The following CAPZB variants were observed in gnomAD, a reference collection of about 807,000 sequenced individuals.
The protein encoded by CAPZB is capping actin protein of muscle Z-line subunit beta, also known as F-actin-capping protein subunit beta.
A neutral mutation model predicts 38.1 loss-of-function variants in CAPZB; 2 were observed. The observed-to-expected ratio is 0.05, with a 90% CI of 0.02 to 0.17. CAPZB has a LOEUF of 0.17. Among genes scored for constraint, CAPZB ranks in the 10% least tolerant of loss-of-function variants. The pLI is 1.00. For missense variants in CAPZB, 161 were observed against 334.2 expected (o/e 0.48, Z 4.04); for synonymous variants, 107 against 127.4 (o/e 0.84, Z 1.08).
intron 2 of CAPZB, among the ~76,000 whole-genome samples, chr1:19,405,335 G>A (rs2100392927): frequency 6.6e-6 from 1 of 152,272 alleles, no homozygotes; most frequent in African/African-American, 2.4e-5. Context: ...CCAGTGCTAA[G>A]AGTACAGTTA....
chr1:19,475,609 T>A (rs1266374551), intron 1 of CAPZB, among the ~76,000 whole-genome samples: 1 of 152,130 alleles, frequency 6.6e-6, no homozygotes, highest in African/African-American at 2.4e-5. Flanking sequence ...AGCCTGACAC[T>A]GACAACTGGG....
At chr1:19,415,257 G>A (rs1351996563) in intron 2 of CAPZB, among the ~76,000 whole-genome samples, 1 of 152,248 alleles carries the variant, frequency 6.6e-6, no homozygotes, top group Non-Finnish European at 1.5e-5. Context: ...TTGGGCAGGT[G>A]AGCAGGGAGG....
intron 2 of CAPZB, among the ~76,000 whole-genome samples, chr1:19,412,001 C>A (rs2094359044): frequency 6.6e-6 from 1 of 152,214 alleles, no homozygotes; most frequent in Non-Finnish European, 1.5e-5. Context: ...TCCTGCTCTC[C>A]CTGCCTCAGT....
At position 19,456,669 on chromosome 1, in the gene CAPZB, G is replaced by A. The variant is rs951826619; in HGVS notation, c.3+28767C>T. Among the ~76,000 whole-genome samples, 9 of 152,248 alleles carry A rather than the reference G, an allele frequency of 5.9e-5. No individual in the cohort carries two copies. In the South Asian group the frequency reaches 1.7e-3, roughly 28 times the overall value. On this transcript the variant is annotated intron_variant, in intron 1 of 8. Transcript: ENST00000264202. Reference sequence around the variant, plus strand: ...TTTAAGGATCAGACCATCCCACAACGTGACATCCTCGAACAGACTATTTCA... The same window carrying A: ...TTTAAGGATCAGACCATCCCACAACATGACATCCTCGAACAGACTATTTCA...
chr1:19,385,372 A>G, intron 3 of CAPZB, 133 bp downstream of exon 3: 2 of 872,994 alleles, frequency 2.3e-6, no homozygotes, highest in Non-Finnish European at 3.6e-6. Flanking sequence ...AGAGGAGGGC[A>G]GGGAACAAAC....
intron 1 of CAPZB, among the ~76,000 whole-genome samples, chr1:19,475,871 A>G (rs1463112606): frequency 1.3e-5 from 2 of 152,216 alleles, no homozygotes; most frequent in Non-Finnish European, 2.9e-5. Flanking sequence ...ACACCTGTAG[A>G]GCAATGGCTG....
At chr1:19,384,328 C>A (rs2094192977) in intron 3 of CAPZB, among the ~76,000 whole-genome samples, 1 of 152,124 alleles carries the variant, frequency 6.6e-6, no homozygotes, top group Admixed American at 6.5e-5. Context: ...GCCTCAGCAC[C>A]CAGCAGGCTC....
Position 19,454,421 on chromosome 1 carries a change from AATG to A in CAPZB, c.3+31012_3+31014del, listed in dbSNP as rs575614318. Among the ~76,000 whole-genome samples, 226 of 152,282 alleles carry A rather than the reference AATG, an allele frequency of 1.5e-3. 1 individual carries two copies. In the Middle Eastern group the frequency reaches 0.024, roughly 16 times the overall value. ...ACTCTTTTCCAGAGAAAGTCAAGCA[AATG>A]ATATTTGGAGGGCTTTCCTGCTGCT... is the stretch of plus-strand genomic sequence containing the variant. On this transcript the variant is annotated intron_variant, in intron 1 of 8. Transcript: ENST00000264202.
intron 1 of CAPZB, among the ~76,000 whole-genome samples, chr1:19,474,940 G>A (rs2094601796): frequency 6.6e-6 from 1 of 152,126 alleles, no homozygotes; most frequent in African/African-American, 2.4e-5. Context: ...TGGAGAGGCA[G>A]GTGCATGGTC....
intron 2 of CAPZB, among the ~76,000 whole-genome samples, chr1:19,394,765 C>G (rs1182149585): frequency 6.6e-6 from 1 of 152,100 alleles, no homozygotes; most frequent in Non-Finnish European, 1.5e-5. Flanking sequence ...GAGCAAGCCA[C>G]GCAACATAGA....
chr1:19,434,493 G>A (rs2094451780), intron 1 of CAPZB, among the ~76,000 whole-genome samples: 2 of 149,012 alleles, frequency 1.3e-5, no homozygotes, highest in Admixed American at 6.7e-5. Context: ...GGGAAGCTGA[G>A]GCAAGAGGAC....
intron 2 of CAPZB, among the ~76,000 whole-genome samples, chr1:19,406,949 C>T (rs2094335448): frequency 6.6e-6 from 1 of 152,176 alleles, no homozygotes; most frequent in Non-Finnish European, 1.5e-5. Context: ...GAAACTGAGG[C>T]TCAGTGGTCA....
intron 1 of CAPZB, among the ~76,000 whole-genome samples, chr1:19,430,590 C>T (rs2094438711): frequency 6.6e-6 from 1 of 152,182 alleles, no homozygotes; most frequent in Non-Finnish European, 1.5e-5. Flanking sequence ...AGTCGCTGCC[C>T]AGCAAGGAAG....
chr1:19,474,599 A>T (rs2094600524), intron 1 of CAPZB, among the ~76,000 whole-genome samples: 1 of 152,116 alleles, frequency 6.6e-6, no homozygotes, highest in African/African-American at 2.4e-5. Context: ...GAAATATCAA[A>T]CCCTGAAGCA....
chr1:19,482,253 C>T (rs2094632042), intron 1 of CAPZB, among the ~76,000 whole-genome samples: 1 of 152,210 alleles, frequency 6.6e-6, no homozygotes, highest in African/African-American at 2.4e-5. Flanking sequence ...TTTTTATAAG[C>T]ATGCCACCAA....
chr1:19,382,736 A>G (rs2094182140), intron 3 of CAPZB, among the ~76,000 whole-genome samples: 1 of 152,274 alleles, frequency 6.6e-6, no homozygotes, highest in Non-Finnish European at 1.5e-5. Flanking sequence ...CCTAGACATG[A>G]TCCCGTCCTT....
chr1:19,414,981 G>C (rs2094372722), intron 2 of CAPZB, among the ~76,000 whole-genome samples: 1 of 152,260 alleles, frequency 6.6e-6, no homozygotes, highest in Non-Finnish European at 1.5e-5. Context: ...AAAACTCTCT[G>C]ATGCTGGGAA....
At chr1:19,451,102 A>C (rs1570309311) in intron 1 of CAPZB, among the ~76,000 whole-genome samples, 1 of 152,220 alleles carries the variant, frequency 6.6e-6, no homozygotes, top group African/African-American at 2.4e-5. Flanking sequence ...ATATGCGCCA[A>C]ATCAGCCATG....
intron 1 of CAPZB, among the ~76,000 whole-genome samples, chr1:19,427,018 T>C (rs906209107): frequency 6.6e-6 from 1 of 152,034 alleles, no homozygotes; most frequent in Non-Finnish European, 1.5e-5. Context: ...TCACAACAGA[T>C]AGGACGAGGT....
Sources: gnomAD v4.1 joint callset for allele counts (sites outside exome capture counted in the v4.1 genomes callset) on GRCh38, gnomAD v4.1.1 for gene constraint, MANE v1.5 for transcripts, NCBI Gene and HGNC (gene_info 2026-07-23, HGNC 2026-07-21) for gene names.